Variants in TENM1 observed in about 807,000 individuals in gnomAD.
TENM1 encodes the protein teneurin-1.
A neutral mutation model predicts 174.8 loss-of-function variants in TENM1; 35 were observed. The ratio of observed to expected loss-of-function variants is 0.20; its 90% CI spans 0.15 to 0.27. The LOEUF (loss-of-function observed/expected upper bound fraction) is 0.27, where lower values mean the gene tolerates loss of function less well. TENM1 is among the 10% of genes least tolerant of loss of function. The pLI is 1.00. For synonymous variants in TENM1, 781 were observed against 798.7 expected, an observed-to-expected ratio of 0.98 and a Z score of 0.37; for missense variants, 1,633 against 2,130.1, an observed-to-expected ratio of 0.77 and a Z score of 4.59.
At chrX:124,583,097 T>C (rs2049374187) in intron 11 of TENM1, among the ~76,000 whole-genome samples, 1 of 112,077 alleles carries the variant, frequency 8.9e-6, no homozygotes, top group Non-Finnish European at 1.9e-5. Flanking sequence ...GCTCCACCTC[T>C]GGGGGCAGGG....
chrX:124,710,888 A>C (rs2053032836), intron 4 of TENM1, among the ~76,000 whole-genome samples: 1 of 112,215 alleles, frequency 8.9e-6, no homozygotes, highest in African/African-American at 3.2e-5. Context: ...ACTAGTGCCT[A>C]AATGTGTTTT....
chrX:124,494,751 G>A (rs1487560273), intron 20 of TENM1, among the ~76,000 whole-genome samples: 2 of 108,147 alleles, frequency 1.8e-5, no homozygotes, highest in Non-Finnish European at 3.8e-5. Context: ...CTATGAGTGA[G>A]AATATGCGGT....
At chrX:124,598,604 G>T (rs982307326) in intron 11 of TENM1, among the ~76,000 whole-genome samples, 2 of 111,859 alleles carry the variant, frequency 1.8e-5, no homozygotes, top group African/African-American at 6.5e-5. Context: ...GGAGGGAACT[G>T]GAGATCATTA....
chrX:124,786,451 C>T (rs941698602), intron 3 of TENM1, among the ~76,000 whole-genome samples: 2 of 111,827 alleles, frequency 1.8e-5, no homozygotes, highest in African/African-American at 3.2e-5. Context: ...CCTACTCACA[C>T]GAATTTAGGT....
the TENM1 span, among the ~76,000 whole-genome samples, chrX:125,014,568 C>T: frequency 3.6e-5 from 4 of 110,630 alleles, no homozygotes; most frequent in African/African-American, 1.3e-4. Context: ...ATTATTTAAC[C>T]TTTGTTACAT....
At chrX:124,667,589 CAA>C (rs200614775) in intron 6 of TENM1, among the ~76,000 whole-genome samples, 10 of 52,587 alleles carry the variant, frequency 1.9e-4, no homozygotes, top group Admixed American at 2.3e-4. Context: ...GACTCCATCT[CAA>C]AAAAAAAAAA....
chrX:124,955,814 C>T (rs1029762788), intron 1 of TENM1, among the ~76,000 whole-genome samples: 1 of 110,032 alleles, frequency 9.1e-6, no homozygotes, highest in Non-Finnish European at 1.9e-5. Context: ...CACACACACA[C>T]ACACACACAC....
the TENM1 span, among the ~76,000 whole-genome samples, chrX:125,160,297 G>A: frequency 9.4e-6 from 1 of 106,777 alleles, no homozygotes; most frequent in Admixed American, 1.0e-4. Flanking sequence ...GCTGAGGCAG[G>A]TGGATCACTT....
intron 11 of TENM1, among the ~76,000 whole-genome samples, chrX:124,606,443 T>C (rs2050159122): frequency 8.9e-6 from 1 of 111,780 alleles, no homozygotes; most frequent in Non-Finnish European, 1.9e-5. Context: ...ATTCTAGTCC[T>C]CATTTTGCCA....
chrX:124,734,415 A>G lies in TENM1; in HGVS notation c.776+2542T>C, dbSNP rs767016032. On this transcript the variant is annotated intron_variant, in intron 4 of 31. Transcript: ENST00000422452. The stretch of plus-strand genomic sequence containing the variant: ...TAGTGAGCCAAGATCTTGCCACCGC[A>G]CTCCAGCCTGGGCGACAGAAGGAGA... 3.4e-3 allele frequency among the ~76,000 whole-genome samples: 378 copies of G among 110,446 alleles called. 6 individuals are homozygous for G. The highest frequency in any genetic ancestry group is 4.2e-3 in the South Asian group (11 of 2,593).
the TENM1 span, among the ~76,000 whole-genome samples, chrX:125,160,399 A>G: frequency 5.7e-5 from 6 of 104,855 alleles, no homozygotes; most frequent in Admixed American, 1.0e-4. Context: ...GTGGTAGCGC[A>G]TGCCTGTAAT....
At chrX:124,408,252 G>A (rs978369795) in intron 25 of TENM1, among the ~76,000 whole-genome samples, 4 of 110,509 alleles carry the variant, frequency 3.6e-5, no homozygotes, top group Admixed American at 9.6e-5. Flanking sequence ...AGCAATTCTC[G>A]TGTCCTAGCC....
intron 5 of TENM1, among the ~76,000 whole-genome samples, chrX:124,676,812 T>A (rs2052097905): frequency 9.7e-6 from 1 of 103,235 alleles, no homozygotes; most frequent in African/African-American, 3.6e-5. Flanking sequence ...GCAACATTTA[T>A]AATCAATAAT....
the TENM1 span, among the ~76,000 whole-genome samples, chrX:125,158,401 CAAAAA>C: frequency 5.5e-5 from 2 of 36,535 alleles, no homozygotes; most frequent in African/African-American, 1.1e-4. Context: ...GAATCCATCT[CAAAAA>C]AAAAAAAAAA....
chrX:124,892,351 T>C lies in TENM1; in HGVS notation c.535+1945A>G, dbSNP rs1001321642. On this transcript the variant is annotated intron_variant, in intron 3 of 31. Transcript: ENST00000422452. The stretch of plus-strand genomic sequence containing the variant: ...TTCAGGCCTTTAAGTTCAAGTGTTT[T>C]AGTGTTGAAATTAAGGGTTATTTCT... 3.6e-5 allele frequency among the ~76,000 whole-genome samples: 4 copies of C among 111,718 alleles called. No individual in the cohort carries two copies. The South Asian group carries it at 1.5e-3, about 42-fold the overall frequency.
chrX:125,030,005 T>C, the TENM1 span, among the ~76,000 whole-genome samples: 1 of 112,537 alleles, frequency 8.9e-6, no homozygotes, highest in Non-Finnish European at 1.9e-5. Flanking sequence ...CTGTGTCATT[T>C]GTATTTTCAA....
the TENM1 span, among the ~76,000 whole-genome samples, chrX:125,066,189 G>A: frequency 1.8e-5 from 2 of 111,789 alleles, no homozygotes; most frequent in Non-Finnish European, 3.8e-5. Flanking sequence ...TGGGAGCTGA[G>A]AGGAAGCTGG....
At chrX:124,783,890 G>A (rs1392411541) in intron 3 of TENM1, among the ~76,000 whole-genome samples, 1 of 111,539 alleles carries the variant, frequency 9.0e-6, no homozygotes, top group Non-Finnish European at 1.9e-5. Context: ...AGATAAGAGA[G>A]AGAATGCACC....
chrX:124,527,709 C>T (rs1385543639), intron 16 of TENM1, among the ~76,000 whole-genome samples: 2 of 99,574 alleles, frequency 2.0e-5, no homozygotes, highest in East Asian at 3.2e-4. Flanking sequence ...AGTAACGTGG[C>T]GCGATCTCGG....
Sources: allele counts gnomAD v4.1 joint callset (sites outside exome capture counted in the v4.1 genomes callset), GRCh38; gene constraint gnomAD v4.1.1; transcripts MANE v1.5; gene names NCBI Gene and HGNC (gene_info 2026-07-23, HGNC 2026-07-21).